Variants in TNRC6A observed in about 807,000 individuals in gnomAD.
The protein encoded by TNRC6A is trinucleotide repeat containing adaptor 6A.
A neutral mutation model predicts 221.2 loss-of-function variants in TNRC6A; 44 were observed. The ratio of observed to expected loss-of-function variants is 0.20; its 90% CI spans 0.16 to 0.26. The LOEUF (loss-of-function observed/expected upper bound fraction) is 0.26. TNRC6A is among the 10% of genes least tolerant of loss of function. TNRC6A has a pLI of 1.00. For missense variants in TNRC6A, 2,199 were observed against 2,404.4 expected, an observed-to-expected ratio of 0.91 and a Z score of 1.79; for synonymous variants, 847 against 838.5, an observed-to-expected ratio of 1.01 and a Z score of -0.18.
chr16:24,642,893 A>T (rs1360043939), intron 2 of TNRC6A, among the ~76,000 whole-genome samples: 1 of 150,974 alleles, frequency 6.6e-6, no homozygotes, highest in Non-Finnish European at 1.5e-5. Flanking sequence ...AAATTTTTAA[A>T]CTTAGCTGGG....
In TNRC6A at chr16:24,806,660, A is replaced by G. The variant is rs770329902; in HGVS notation, c.4416A>G (p.Pro1472=). The part of the protein sequence containing the change: ...PNLLVKQQTP[P]SQQQPLHQPA... The stretch of plus-strand genomic sequence containing the variant: ...TGTTGGTGAAGCAGCAGACTCCACC[A>G]TCTCAGCAGCAGCCACTCCATCAGC... Residue 1472 remains proline, a synonymous_variant, in exon 17 of 25, where the codon CCA becomes CCG. Coordinates refer to ENST00000395799, the MANE Select transcript of TNRC6A (RefSeq NM_014494.4). 6.2e-7 allele frequency: 1 copy of G among 1,614,194 alleles called. No individual in the cohort carries two copies. The highest frequency in any genetic ancestry group is 8.5e-7 in the Non-Finnish European group (1 of 1,180,034).
In TNRC6A at chr16:24,812,084, G is replaced by A. The variant is rs982148070; in HGVS notation, c.4672+2603G>A. Among the ~76,000 whole-genome samples, 6 of 109,926 alleles carry A rather than the reference G, an allele frequency of 5.5e-5. No homozygotes were observed. In the Admixed American group the frequency reaches 7.7e-4, roughly 14 times the overall value. The allele number at this position is 109,926 out of a possible 152,430, so 72.1% of individuals were successfully genotyped here. A position where few individuals can be genotyped will look rare whatever the true frequency, so the allele number is the denominator to read the frequency against. On this transcript the variant is annotated intron_variant, in intron 18 of 24. Transcript: ENST00000395799. ...TTTTTTTTGAGACAGAGTCTCACTCGGTCACCCAGGCTGGAGTGCAGTGAT... is the reference window on the plus strand; with the variant it reads ...TTTTTTTTGAGACAGAGTCTCACTCAGTCACCCAGGCTGGAGTGCAGTGAT...
At chr16:24,691,000 G>A (rs193173949) in intron 2 of TNRC6A, among the ~76,000 whole-genome samples, 6 of 151,918 alleles carry the variant, frequency 3.9e-5, no homozygotes, top group African/African-American at 1.2e-4. Flanking sequence ...TGGTAGAGAC[G>A]GGGTTTCACC....
chr16:24,810,535 T>C (rs2058521258), intron 18 of TNRC6A, among the ~76,000 whole-genome samples: 1 of 152,164 alleles, frequency 6.6e-6, no homozygotes, highest in African/African-American at 2.4e-5. Context: ...ACTGCAGGTG[T>C]GGTGGGTCTA....
chr16:24,626,608 T>C (rs1470188889), intron 1 of TNRC6A, among the ~76,000 whole-genome samples: 2 of 151,994 alleles, frequency 1.3e-5, no homozygotes, highest in African/African-American at 4.8e-5. Context: ...TTCACATTTA[T>C]GTAAAGCATA....
chr16:24,764,920 CTAA>C (rs1357785747), intron 4 of TNRC6A, among the ~76,000 whole-genome samples: 1 of 152,086 alleles, frequency 6.6e-6, no homozygotes, highest in Non-Finnish European at 1.5e-5. Context: ...AGATTAACAA[CTAA>C]TAATAAAATA....
At chr16:24,770,321 GTT>G (rs2057564330) in intron 4 of TNRC6A, among the ~76,000 whole-genome samples, 1 of 152,150 alleles carries the variant, frequency 6.6e-6, no homozygotes, top group Non-Finnish European at 1.5e-5. Flanking sequence ...TCCAAAAGTG[GTT>G]TTATGATACA....
intron 2 of TNRC6A, among the ~76,000 whole-genome samples, chr16:24,734,757 T>A (rs2056725118): frequency 6.6e-6 from 1 of 152,188 alleles, no homozygotes; most frequent in South Asian, 2.1e-4. Flanking sequence ...GTAAAAGCAG[T>A]TATCTCAATA....
At chr16:24,620,106 C>A (rs1567302823) in intron 1 of TNRC6A, among the ~76,000 whole-genome samples, 1 of 151,780 alleles carries the variant, frequency 6.6e-6, no homozygotes, top group Non-Finnish European at 1.5e-5. Flanking sequence ...TGTACCACTG[C>A]ATTCCAGCCT....
At chr16:24,780,891 A>G (rs2057827250) in intron 5 of TNRC6A, among the ~76,000 whole-genome samples, 1 of 151,970 alleles carries the variant, frequency 6.6e-6, no homozygotes, top group Admixed American at 6.6e-5. Flanking sequence ...ATCCCCATCC[A>G]TCCGTGCTCT....
chr16:24,630,132 C>T (rs1392265185), intron 1 of TNRC6A, among the ~76,000 whole-genome samples: 1 of 152,166 alleles, frequency 6.6e-6, no homozygotes, highest in Non-Finnish European at 1.5e-5. Flanking sequence ...CTTCCCACTA[C>T]CAGATCTACC....
chr16:24,642,812 C>G (rs1902022597), intron 2 of TNRC6A, among the ~76,000 whole-genome samples: 1 of 151,876 alleles, frequency 6.6e-6, no homozygotes, highest in African/African-American at 2.4e-5. Context: ...CAGTGAGACT[C>G]CATCTCACTG....
intron 14 of TNRC6A, 99 bp downstream of exon 14, chr16:24,805,250 A>G: frequency 1.3e-6 from 2 of 1,482,038 alleles, no homozygotes; most frequent in Non-Finnish European, 1.8e-6. Flanking sequence ...TATCATATTT[A>G]TTGGCATCTT....
rs540698025 is a variant in TNRC6A, at chr16:24,646,870, C to A, written n.402+5861C>A. Among the ~76,000 whole-genome samples the A allele has an allele frequency of 5.3e-5, 8 of 152,222 alleles. No homozygotes were observed. In the East Asian group the frequency reaches 1.5e-3, roughly 29 times the overall value. On this transcript the variant is annotated intron_variant and non_coding_transcript_variant, in intron 2 of 2. Coordinates refer to the TNRC6A transcript ENST00000566108. Reference sequence around the variant, plus strand: ...TTAATACGTTCTTTCATTCTATGGGCAATTGTTTGGTGGCTTAATTGCAGA... The same window carrying A: ...TTAATACGTTCTTTCATTCTATGGGAAATTGTTTGGTGGCTTAATTGCAGA...
intron 2 of TNRC6A, among the ~76,000 whole-genome samples, chr16:24,721,993 T>C (rs187290890): frequency 6.6e-6 from 1 of 152,290 alleles, no homozygotes; most frequent in African/African-American, 2.4e-5. Flanking sequence ...TGGTGGTAGG[T>C]GTCTGTGGGA....
intron 2 of TNRC6A, among the ~76,000 whole-genome samples, chr16:24,649,194 C>T (rs1596592910): frequency 1.3e-5 from 2 of 152,098 alleles, no homozygotes; most frequent in East Asian, 3.9e-4. Flanking sequence ...ATTTATGATG[C>T]ACAATTGGTG....
At chr16:24,700,847 A>C (rs9929630) in intron 2 of TNRC6A, among the ~76,000 whole-genome samples, 47,756 of 152,040 alleles carry the variant, frequency 0.31, 7,620 homozygotes, top group East Asian at 0.47. Context: ...TTTATAGCAA[A>C]CCACTTGTTC....
At chr16:24,800,040 T>G (rs1346032826) in intron 11 of TNRC6A, among the ~76,000 whole-genome samples, 1 of 152,200 alleles carries the variant, frequency 6.6e-6, no homozygotes, top group Non-Finnish European at 1.5e-5. Flanking sequence ...GCCTGCTAGT[T>G]CATACCTCAA....
At chr16:24,681,819 A>G (rs1174277252) in intron 2 of TNRC6A, among the ~76,000 whole-genome samples, 2 of 152,240 alleles carry the variant, frequency 1.3e-5, no homozygotes. Flanking sequence ...ACCCCAGTAC[A>G]TTACTATTTT....
Sources: gnomAD v4.1 joint callset for allele counts (sites outside exome capture counted in the v4.1 genomes callset) on GRCh38, gnomAD v4.1.1 for gene constraint, MANE v1.5 for transcripts, NCBI Gene and HGNC (gene_info 2026-07-23, HGNC 2026-07-21) for gene names.